Variants in CSMD1 observed in about 807,000 individuals in gnomAD.
CSMD1 encodes CUB and Sushi multiple domains 1.
Under a neutral mutation model 417.5 loss-of-function variants are expected in CSMD1, and 213 were observed. The observed-to-expected ratio is 0.51, with a 90% CI of 0.46 to 0.57. The LOEUF (loss-of-function observed/expected upper bound fraction) is 0.57, where lower values mean the gene tolerates loss of function less well. CSMD1 is among the 20% of genes least tolerant of loss of function. The probability of loss-of-function intolerance (pLI) is 0.00; values close to 1 mark genes in which losing one functional copy is unlikely to be tolerated. For synonymous variants in CSMD1, 2,862 were observed against 1,736.8 expected (o/e 1.65, Z -16.11); for missense variants, 6,923 against 4,529.7 (o/e 1.53, Z -15.17).
At chr8:3,262,231 A>ATATATATATATATATATAT (rs1801134855) in intron 26 of CSMD1, among the ~76,000 whole-genome samples, 1 of 89,902 alleles carries the variant, frequency 1.1e-5, no homozygotes, top group African/African-American at 4.5e-5. Context: ...ATATATATAT[A>ATATATATATATATATATAT]CACACACATA....
chr8:4,529,525 T>C (rs1007715956), intron 2 of CSMD1, among the ~76,000 whole-genome samples: 2 of 152,200 alleles, frequency 1.3e-5, no homozygotes, highest in African/African-American at 2.4e-5. Context: ...TAAAAATGCC[T>C]CTGTCTTCAT....
intron 2 of CSMD1, among the ~76,000 whole-genome samples, chr8:4,482,980 G>T (rs935514806): frequency 2.0e-5 from 3 of 152,152 alleles, no homozygotes; most frequent in African/African-American, 7.2e-5. Context: ...GAGTAATGGA[G>T]TTAGGTAGTA....
intron 2 of CSMD1, among the ~76,000 whole-genome samples, chr8:4,495,929 A>G (rs894741094): frequency 1.3e-5 from 2 of 152,192 alleles, no homozygotes; most frequent in African/African-American, 4.8e-5. Flanking sequence ...TAAATTCTAT[A>G]TGGCAAATGA....
At chr8:2,995,422 T>G (rs1488780152) in intron 54 of CSMD1, among the ~76,000 whole-genome samples, 1 of 152,146 alleles carries the variant, frequency 6.6e-6, no homozygotes, top group Admixed American at 6.5e-5. Context: ...GTAGAGAAAC[T>G]TCATCGCCCA....
intron 1 of CSMD1, among the ~76,000 whole-genome samples, chr8:4,743,448 G>C (rs193175308): frequency 6.6e-6 from 1 of 152,156 alleles, no homozygotes; most frequent in Non-Finnish European, 1.5e-5. Flanking sequence ...AGAATGAGCA[G>C]AGTAGAGCGC....
intron 1 of CSMD1, among the ~76,000 whole-genome samples, chr8:4,840,571 A>G (rs1446081427): frequency 6.6e-6 from 1 of 152,218 alleles, no homozygotes; most frequent in Non-Finnish European, 1.5e-5. Flanking sequence ...AGAAAATATG[A>G]AGAAATAAAA....
chr8:3,427,753 A>T (rs551975463), intron 12 of CSMD1, among the ~76,000 whole-genome samples: 50 of 152,248 alleles, frequency 3.3e-4, no homozygotes, highest in Non-Finnish European at 6.2e-4. Context: ...TCAGGCTAAT[A>T]ATAACCTATC....
In CSMD1 at chr8:4,742,000, CTTTTTTTTTTTTTTTTTTTTTTTTTT is replaced by C. The variant is rs71209120; in HGVS notation, c.86-104468_86-104443del. Among the ~76,000 whole-genome samples the C allele has an allele frequency of 3.3e-4, 24 of 73,814 alleles. 1 individual carries two copies. The highest frequency in any genetic ancestry group is 1.8e-3 in the South Asian group (3 of 1,704). 48.4% of individuals were successfully genotyped at this position (73,814 alleles called of 152,430 possible). Reference sequence around the variant, plus strand: ...AGGTCCGCACGCACCACCACACCCACTTTTTTTTTTTTTTTTTTTTTTTTTTTTTTTTTTTTTTTTTTTTTTTTGAG... The same window carrying C: ...AGGTCCGCACGCACCACCACACCCACTTTTTTTTTTTTTTTTTTTTTTGAG... On this transcript the variant is annotated intron_variant, in intron 1 of 69. Transcript: ENST00000635120.
chr8:4,882,397 C>T (rs924532311), intron 1 of CSMD1, among the ~76,000 whole-genome samples: 4 of 151,560 alleles, frequency 2.6e-5, no homozygotes, highest in African/African-American at 9.7e-5. Flanking sequence ...TATTGGGGAG[C>T]GAGTTTGGCA....
intron 3 of CSMD1, among the ~76,000 whole-genome samples, chr8:4,139,543 G>A (rs1414370036): frequency 6.6e-6 from 1 of 151,006 alleles, no homozygotes; most frequent in Admixed American, 6.6e-5. Context: ...CACTCATCCT[G>A]CACGACGATC....
At chr8:4,450,493 C>G (rs574076855) in intron 2 of CSMD1, among the ~76,000 whole-genome samples, 1 of 151,934 alleles carries the variant, frequency 6.6e-6, no homozygotes, top group African/African-American at 2.4e-5. Context: ...AAATTATCTG[C>G]GTGTGGTGGT....
At chr8:4,975,119 A>G (rs1563913100) in intron 1 of CSMD1, among the ~76,000 whole-genome samples, 1 of 152,190 alleles carries the variant, frequency 6.6e-6, no homozygotes. Context: ...TCCCCATAAA[A>G]AAGATAATCA....
rs570120030 is a variant in CSMD1 at position 4,852,334 on chromosome 8, A to G, written c.85+141998T>C. Among the ~76,000 whole-genome samples, 5 of 152,180 alleles carry G rather than the reference A, an allele frequency of 3.3e-5. No homozygotes were observed. In the East Asian group the frequency reaches 9.7e-4, roughly 29 times the overall value. The stretch of plus-strand genomic sequence containing the variant: ...GATGGCTTCCTGCTATCCTTGCAAC[A>G]GTGAGAGAGTTCTTGCAACATCTGG... On this transcript the variant is annotated intron_variant, in intron 1 of 69. Coordinates refer to ENST00000635120, the MANE Select transcript of CSMD1 (RefSeq NM_033225.6).
intron 3 of CSMD1, among the ~76,000 whole-genome samples, chr8:4,060,731 C>G (rs1209086302): frequency 6.6e-6 from 1 of 152,022 alleles, no homozygotes; most frequent in East Asian, 1.9e-4. Flanking sequence ...AAGATGTGCT[C>G]AAAGCATCAC....
chr8:4,417,911 A>C (rs373603710), intron 3 of CSMD1, among the ~76,000 whole-genome samples: 4 of 152,072 alleles, frequency 2.6e-5, no homozygotes, highest in African/African-American at 4.8e-5. Flanking sequence ...TGTGTAAAGT[A>C]TTTGGTACTT....
intron 25 of CSMD1, among the ~76,000 whole-genome samples, chr8:3,288,060 T>A (rs1333655976): frequency 1.4e-5 from 2 of 147,566 alleles, no homozygotes; most frequent in Non-Finnish European, 2.9e-5. Context: ...ATTGAGATAA[T>A]CATGTGGTTT....
chr8:3,867,110 A>AT (rs370734198), intron 5 of CSMD1, among the ~76,000 whole-genome samples: 13 of 152,034 alleles, frequency 8.6e-5, no homozygotes, highest in Admixed American at 2.0e-4. Context: ...TGATTGATTG[A>AT]TTTTTTTTCT....
chr8:3,833,824 TA>T lies in CSMD1; in HGVS notation c.819-79783del, dbSNP rs530522675. ...CTCATTAAAGATAAAACAAAATGGT[TA>T]AACAATATAAGACGTTTTTCTTTAA... On this transcript the variant is annotated intron_variant, in intron 5 of 69. Coordinates refer to ENST00000635120, the MANE Select transcript of CSMD1 (RefSeq NM_033225.6). 9.2e-5 allele frequency among the ~76,000 whole-genome samples: 14 copies of T among 152,270 alleles called. No individual in the cohort carries two copies. The South Asian group carries it at 1.5e-3, about 16-fold the overall frequency.
intron 3 of CSMD1, among the ~76,000 whole-genome samples, chr8:4,193,612 G>A (rs1212035518): frequency 6.6e-6 from 1 of 152,048 alleles, no homozygotes; most frequent in Non-Finnish European, 1.5e-5. Flanking sequence ...GCCCTCTGAG[G>A]AGCCAATGAG....
Sources: gnomAD v4.1 joint callset for allele counts (sites outside exome capture counted in the v4.1 genomes callset) on GRCh38, gnomAD v4.1.1 for gene constraint, MANE v1.5 for transcripts, NCBI Gene and HGNC (gene_info 2026-07-23, HGNC 2026-07-21) for gene names.